Variants in NEDD9 observed in about 807,000 individuals in gnomAD.
The protein encoded by NEDD9 is neural precursor cell expressed, developmentally down-regulated 9.
In NEDD9, 26 loss-of-function variants were observed where a neutral mutation model predicts 76.6. The observed-to-expected ratio is 0.34, with a 90% CI of 0.25 to 0.47. The LOEUF (loss-of-function observed/expected upper bound fraction) is 0.47. Ranked by LOEUF, NEDD9 falls within the 20% of genes least tolerant of loss-of-function variation. The pLI is 1.00. For missense variants in NEDD9, 937 were observed against 1,058.5 expected (o/e 0.89, Z 1.59); for synonymous variants, 392 against 414.2 (o/e 0.95, Z 0.65).
chr6:11,306,951 T>C (rs962536219), intron 2 of NEDD9, among the ~76,000 whole-genome samples: 1 of 152,194 alleles, frequency 6.6e-6, no homozygotes, highest in Non-Finnish European at 1.5e-5. Flanking sequence ...TGTGTGTGTA[T>C]GTATGTGTAT....
intron 3 of NEDD9, chr6:11,305,798 C>T: frequency 1.6e-6 from 1 of 625,244 alleles, no homozygotes; most frequent in Non-Finnish European, 2.8e-6. Flanking sequence ...CTGTGGGCAT[C>T]AGTGCATCCA....
intron 3 of NEDD9, among the ~76,000 whole-genome samples, chr6:11,287,973 T>C (rs2327394): frequency 0.35 from 53,600 of 152,150 alleles, 10,569 homozygotes; most frequent in African/African-American, 0.55. Context: ...CTGTCTATGG[T>C]GGGGTCCCGG....
intron 3 of NEDD9, among the ~76,000 whole-genome samples, chr6:11,304,193 C>T (rs987184038): frequency 6.6e-6 from 1 of 152,160 alleles, no homozygotes; most frequent in Admixed American, 6.5e-5. Context: ...ATGCAGCCAA[C>T]AGACATATGA....
chr6:11,334,920 A>G (rs1225107008), intron 1 of NEDD9, among the ~76,000 whole-genome samples: 2 of 152,254 alleles, frequency 1.3e-5, no homozygotes, highest in African/African-American at 2.4e-5. Flanking sequence ...AGAGGACGAG[A>G]GCCTTAAAGA....
intron 3 of NEDD9, among the ~76,000 whole-genome samples, chr6:11,247,289 G>C (rs769697945): frequency 6.6e-5 from 10 of 152,054 alleles, no homozygotes; most frequent in Admixed American, 3.3e-4. Flanking sequence ...TTTGTACTAT[G>C]CTCAAAGTCA....
exon 2 of NEDD9, chr6:11,334,507 A>T (rs913002907): frequency 2.0e-5 from 3 of 152,216 alleles, no homozygotes; most frequent in African/African-American, 7.2e-5. Context: ...TCACCTGCAA[A>T]TATCTCCTTG....
rs368450596 is a variant in NEDD9, at chr6:11,191,113, C to G, written c.756G>C (p.Arg252Ser). 6.2e-7 allele frequency: 1 copy of G among 1,613,946 alleles called. No individual in the cohort carries two copies. Residue 252 changes from arginine (R) to serine (S), a missense_variant, in exon 5 of 7, where the codon AGG becomes AGC. Physicochemically the swap from Arg to Ser is moderately radical, Grantham distance 110. Transcript: ENST00000379446. ...AAACCCCCTCCGGTCTGAGGTCCGG[C>G]CTTCCAGCTTGTCTCATGGGAGGGG... ...DFPPPMRQAGRPDLRPEGVYD... is the reference protein window; with the variant it reads ...DFPPPMRQAGSPDLRPEGVYD...
At chr6:11,333,150 A>AT (rs1343673833) in intron 2 of NEDD9, among the ~76,000 whole-genome samples, 2 of 152,234 alleles carry the variant, frequency 1.3e-5, no homozygotes, top group South Asian at 2.1e-4. Context: ...TTTAAATAGC[A>AT]TTTTTTTCCG....
intron 2 of NEDD9, among the ~76,000 whole-genome samples, chr6:11,321,387 G>A (rs1761798911): frequency 6.6e-6 from 1 of 152,188 alleles, no homozygotes; most frequent in Non-Finnish European, 1.5e-5. Context: ...ACCTGTGTGC[G>A]TTACATCACA....
Position 11,188,259 on chromosome 6 carries a change from T to C in NEDD9, c.1954A>G (p.Asn652Asp). Residue 652 changes from asparagine (N) to aspartate (D), a missense_variant, in exon 6 of 7, where the codon AAT becomes GAT. Coordinates refer to ENST00000379446, the MANE Select transcript of NEDD9 (RefSeq NM_006403.4). Reference protein sequence around the residue: ...RQQKELLEKENIMKQNKMQLE... With the variant: ...RQQKELLEKEDIMKQNKMQLE... ...TGCATCTTGTTCTGTTTCATGATAT[T>C]CTCTTTTTCCAATAGCTCTTTCTGT... 6.2e-7 allele frequency: 1 copy of C among 1,614,216 alleles called. No individual in the cohort carries two copies. Among genetic ancestry groups the C allele is most frequent in the Non-Finnish European group, 8.5e-7 (1 of 1,180,028 alleles).
intron 3 of NEDD9, among the ~76,000 whole-genome samples, chr6:11,289,256 C>T (rs2049960): frequency 0.04 from 6,035 of 152,300 alleles, 412 homozygotes; most frequent in African/African-American, 0.13. Context: ...AATTCTTCCA[C>T]TGTACTCTTT....
intron 1 of NEDD9, among the ~76,000 whole-genome samples, chr6:11,230,391 C>T (rs866814966): frequency 2.0e-5 from 3 of 152,220 alleles, no homozygotes; most frequent in African/African-American, 7.2e-5. Flanking sequence ...AGATAAATTA[C>T]TTAGCCTCTC....
At chr6:11,322,494 C>T (rs904339396) in intron 2 of NEDD9, among the ~76,000 whole-genome samples, 2 of 152,086 alleles carry the variant, frequency 1.3e-5, no homozygotes, top group South Asian at 2.1e-4. Flanking sequence ...GTTTTGGACA[C>T]GGTATTGCCA....
intron 1 of NEDD9, among the ~76,000 whole-genome samples, chr6:11,358,630 G>A (rs1440899963): frequency 3.9e-5 from 6 of 152,196 alleles, no homozygotes; most frequent in East Asian, 3.8e-4. Context: ...TGAACATGGC[G>A]GGTGGTGGTT....
intron 1 of NEDD9, among the ~76,000 whole-genome samples, chr6:11,226,840 C>G (rs1759322597): frequency 6.6e-6 from 1 of 152,122 alleles, no homozygotes; most frequent in Admixed American, 6.5e-5. Context: ...GGACAATTGT[C>G]ATATATTATA....
intron 1 of NEDD9, among the ~76,000 whole-genome samples, chr6:11,381,340 G>T (rs993389472): frequency 1.3e-5 from 2 of 152,208 alleles, no homozygotes; most frequent in Non-Finnish European, 2.9e-5. Flanking sequence ...AAAGGGAAAA[G>T]ATTGGTGGCC....
chr6:11,355,830 C>T (rs1317146333), intron 1 of NEDD9, among the ~76,000 whole-genome samples: 2 of 152,156 alleles, frequency 1.3e-5, no homozygotes, highest in South Asian at 2.1e-4. Flanking sequence ...ACACCATTCT[C>T]CTGCCTCAGC....
intron 3 of NEDD9, among the ~76,000 whole-genome samples, chr6:11,254,608 T>C (rs1406871762): frequency 6.6e-6 from 1 of 152,234 alleles, no homozygotes; most frequent in Non-Finnish European, 1.5e-5. Flanking sequence ...CCTAAAACCC[T>C]GTATTTTTAT....
At chr6:11,275,860 G>A (rs1435248086) in intron 3 of NEDD9, among the ~76,000 whole-genome samples, 1 of 152,120 alleles carries the variant, frequency 6.6e-6, no homozygotes. Flanking sequence ...AACTGGGGGA[G>A]GATGTTCTTG....
Sources: allele counts gnomAD v4.1 joint callset (sites outside exome capture counted in the v4.1 genomes callset), GRCh38; gene constraint gnomAD v4.1.1; transcripts MANE v1.5; gene names NCBI Gene and HGNC (gene_info 2026-07-23, HGNC 2026-07-21).